The following TRMT9B variants were observed in gnomAD, a reference collection of about 807,000 sequenced individuals.
The protein encoded by TRMT9B is tRNA methyltransferase 9B (putative), also known as probable tRNA methyltransferase 9B.
In TRMT9B, 16 loss-of-function variants were observed where a neutral mutation model predicts 11.5. That is an observed-to-expected ratio of 1.39 (90% CI 0.94 to 2.11). TRMT9B has a LOEUF of 2.11. Ranked by LOEUF, TRMT9B falls within the 30% of genes most tolerant of loss-of-function variation. The probability of loss-of-function intolerance (pLI) is 0.00; values close to 1 mark genes in which losing one functional copy is unlikely to be tolerated. For missense variants in TRMT9B, 941 were observed against 553.8 expected (o/e 1.70, Z -7.02); for synonymous variants, 274 against 192.4 (o/e 1.42, Z -3.51).
chr8:12,949,219 G>C (rs1800419915), intron 1 of TRMT9B, among the ~76,000 whole-genome samples: 1 of 151,388 alleles, frequency 6.6e-6, no homozygotes, highest in Non-Finnish European at 1.5e-5. Flanking sequence ...AAATGCCATA[G>C]GATTGGTTAT....
intron 4 of TRMT9B, among the ~76,000 whole-genome samples, chr8:13,019,269 G>C (rs541770071): frequency 1.3e-5 from 2 of 152,150 alleles, no homozygotes; most frequent in African/African-American, 2.4e-5. Context: ...ACATATGGGA[G>C]ATACATTTAT....
chr8:12,970,083 C>T (rs564873744), intron 1 of TRMT9B: 2 of 152,336 alleles, frequency 1.3e-5, no homozygotes, highest in South Asian at 4.1e-4. Context: ...TTGGTGACCT[C>T]ACTGTTGCTG....
intron 1 of TRMT9B, among the ~76,000 whole-genome samples, chr8:12,968,561 C>T (rs1201925983): frequency 6.6e-6 from 1 of 152,146 alleles, no homozygotes; most frequent in Admixed American, 6.5e-5. Flanking sequence ...ATCAGGTTAA[C>T]TGGAATCTTA....
At chr8:12,961,029 T>C (rs1407018605) in intron 1 of TRMT9B, among the ~76,000 whole-genome samples, 1 of 152,090 alleles carries the variant, frequency 6.6e-6, no homozygotes, top group Non-Finnish European at 1.5e-5. Flanking sequence ...TAGTCCCAGC[T>C]ACTCGGGAGG....
intron 2 of TRMT9B, among the ~76,000 whole-genome samples, chr8:13,005,103 AAAAG>A (rs1325069106): frequency 6.6e-6 from 1 of 151,980 alleles, no homozygotes; most frequent in Non-Finnish European, 1.5e-5. Context: ...AAAAAAAAGA[AAAAG>A]AAAAGAAAAG....
intron 1 of TRMT9B, among the ~76,000 whole-genome samples, chr8:12,976,475 C>T (rs1483136989): frequency 2.0e-5 from 3 of 151,398 alleles, no homozygotes; most frequent in African/African-American, 4.9e-5. Context: ...TGCAGTGGCT[C>T]GTGCCTATAA....
At chr8:12,996,317 C>G (rs1448086961) in intron 2 of TRMT9B, among the ~76,000 whole-genome samples, 1 of 152,126 alleles carries the variant, frequency 6.6e-6, no homozygotes, top group Non-Finnish European at 1.5e-5. Context: ...GAGTCACTTA[C>G]CTGGTGCCCT....
intron 3 of TRMT9B, chr8:13,011,588 T>C (rs1054033282): frequency 1.1e-6 from 1 of 942,538 alleles, no homozygotes; most frequent in Non-Finnish European, 1.3e-6. Context: ...AGTATTAGAC[T>C]GTAGAAGGCT....
chr8:12,963,937 T>C (rs149383712), intron 1 of TRMT9B, among the ~76,000 whole-genome samples: 151 of 152,344 alleles, frequency 9.9e-4, no homozygotes, highest in African/African-American at 3.5e-3. Flanking sequence ...ACTAGTGATA[T>C]TGTTTCCATA....
At chr8:12,948,476 TTTATA>T (rs1212820197) in intron 1 of TRMT9B, among the ~76,000 whole-genome samples, 1 of 148,152 alleles carries the variant, frequency 6.7e-6, no homozygotes, top group Non-Finnish European at 1.5e-5. Context: ...AATACAATAA[TTTATA>T]TTATATAAAT....
Position 13,022,534 on chromosome 8 carries a change from C to G in TRMT9B, c.*490C>G, listed in dbSNP as rs1426356611. ...TACTTTGAACCATGTGATGAGTTAT[C>G]TTGTTGCCAAGGCCTTGCTTCTACT... is the stretch of plus-strand genomic sequence containing the variant. On this transcript the variant is annotated 3_prime_UTR_variant, in exon 5 of 5. Transcript: ENST00000524591. 3 of 167,338 alleles carry G rather than the reference C, an allele frequency of 1.8e-5. No individual in the cohort carries two copies. The highest frequency in any genetic ancestry group is 2.1e-4 in the South Asian group (1 of 4,820). 10.4% of individuals were successfully genotyped at this position (167,338 alleles called of 1,614,324 possible).
intron 3 of TRMT9B, chr8:13,006,635 C>G (rs776719158): frequency 7.4e-7 from 1 of 1,357,708 alleles, no homozygotes; most frequent in Non-Finnish European, 9.4e-7. Context: ...ACAGTCAAGT[C>G]AGCAGCAAGT....
intron 1 of TRMT9B, among the ~76,000 whole-genome samples, chr8:12,981,423 T>C (rs1805369620): frequency 6.6e-6 from 1 of 152,098 alleles, no homozygotes; most frequent in South Asian, 2.1e-4. Flanking sequence ...TATTTGGACT[T>C]TCTCTTTAGA....
Position 12,968,940 on chromosome 8 carries a change from G to A in TRMT9B, c.-199-21894G>A, listed in dbSNP as rs561269498. Among the ~76,000 whole-genome samples, 204 of 152,302 alleles carry A rather than the reference G, an allele frequency of 1.3e-3. 2 individuals are homozygous for A. Among genetic ancestry groups the A allele is most frequent in the African/African-American group, 4.4e-3 (183 of 41,558 alleles). On this transcript the variant is annotated intron_variant, in intron 1 of 4. Transcript: ENST00000524591. ...TAAAACCGAAAAGTGGGCTGGGTGA[G>A]GTGGCTCATGCCTGTAATCCCAGCA...
chr8:12,963,697 C>T (rs1274684042), intron 1 of TRMT9B, among the ~76,000 whole-genome samples: 2 of 152,100 alleles, frequency 1.3e-5, no homozygotes, highest in Non-Finnish European at 2.9e-5. Context: ...TATGATGAGC[C>T]GTGATTGCAC....
intron 3 of TRMT9B, chr8:13,010,703 T>C (rs1811423520): frequency 1.0e-6 from 1 of 984,892 alleles, no homozygotes; most frequent in African/African-American, 1.7e-5. Context: ...ATCATTGAAG[T>C]AACTTTCCCT....
rs1814978071 is a variant in TRMT9B, at chr8:13,028,562, C to CTCTTTTCTTCTT, written c.*6527_*6528insCTTTCTTTTCTT. ...ATTTGGCTAAGTGATAAGCACTTTTCTCTTTTCTTTTCTTTTTTTTTTTTT... is the reference window on the plus strand; with the variant it reads ...ATTTGGCTAAGTGATAAGCACTTTTCTCTTTTCTTCTTTCTTTTCTTTTCTTTTTTTTTTTTT... On this transcript the variant is annotated 3_prime_UTR_variant, in exon 5 of 5. Coordinates refer to ENST00000524591, the MANE Select transcript of TRMT9B (RefSeq NM_020844.3). The CTCTTTTCTTCTT allele has an allele frequency of 8.2e-6, 1 of 122,222 alleles. No individual in the cohort carries two copies. The allele number at this position is 122,222 out of a possible 1,614,324, so 7.6% of individuals were successfully genotyped here. A position where few individuals can be genotyped will look rare whatever the true frequency, so the allele number is the denominator to read the frequency against.
chr8:13,003,773 CA>C (rs1809897357), intron 2 of TRMT9B, among the ~76,000 whole-genome samples: 1 of 150,766 alleles, frequency 6.6e-6, no homozygotes, highest in South Asian at 2.2e-4. Context: ...GGTGTGTCCC[CA>C]CTCCGCCACC....
In TRMT9B at chr8:13,012,806, C is replaced by G. The variant is rs757023992; in HGVS notation, c.277C>G (p.Leu93Val). Reference sequence around the variant, plus strand: ...ATGTGAAGCCATGGTATGTGACAACCTTAATCTCCCCTTTAGGGATGAGGG... The same window carrying G: ...ATGTGAAGCCATGGTATGTGACAACGTTAATCTCCCCTTTAGGGATGAGGG... Reference protein sequence around the residue: ...RGCEAMVCDNLNLPFRDEGFD... With the variant: ...RGCEAMVCDNVNLPFRDEGFD... The change falls in exon 4 of 5, where the codon CTT (leucine) becomes GTT (valine). Residue 93 changes from leucine (L) to valine (V), a missense_variant. Transcript: ENST00000524591. 6 of 1,613,816 alleles carry G rather than the reference C, an allele frequency of 3.7e-6. No homozygotes were observed. The highest frequency in any genetic ancestry group is 5.1e-6 in the Non-Finnish European group (6 of 1,179,880).
Sources: allele counts gnomAD v4.1 joint callset (sites outside exome capture counted in the v4.1 genomes callset), GRCh38; gene constraint gnomAD v4.1.1; transcripts MANE v1.5; gene names NCBI Gene and HGNC (gene_info 2026-07-23, HGNC 2026-07-21).